PDE3B: variants seen among roughly 807,000 people sequenced by gnomAD.
The protein encoded by PDE3B is phosphodiesterase 3B, also known as cGMP-inhibited 3',5'-cyclic phosphodiesterase 3B.
PDE3B carries 66 observed loss-of-function variants against 116.8 expected under a neutral mutation model. The ratio of observed to expected loss-of-function variants is 0.56; its 90% CI spans 0.46 to 0.69. PDE3B has a LOEUF of 0.69. PDE3B is among the 30% of genes least tolerant of loss of function. The pLI, the probability that PDE3B is intolerant of heterozygous loss-of-function variation, is 0.00. For synonymous variants in PDE3B, 595 were observed against 533.6 expected, an observed-to-expected ratio of 1.12 and a Z score of -1.59; for missense variants, 1,384 against 1,368.1, an observed-to-expected ratio of 1.01 and a Z score of -0.18.
chr11:14,702,012 T>C (rs1565098262), intron 1 of PDE3B, among the ~76,000 whole-genome samples: 1 of 151,560 alleles, frequency 6.6e-6, no homozygotes, highest in Non-Finnish European at 1.5e-5. Context: ...TTTTTTCTCT[T>C]CCCTTTTTTT....
At chr11:14,808,110 A>G (rs1057290010) in intron 5 of PDE3B, among the ~76,000 whole-genome samples, 29 of 152,128 alleles carry the variant, frequency 1.9e-4, no homozygotes, top group African/African-American at 6.8e-4. Flanking sequence ...GTTGATGTCC[A>G]AATTATACTG....
chr11:14,735,338 A>G (rs1380907753), intron 1 of PDE3B, among the ~76,000 whole-genome samples: 1 of 152,208 alleles, frequency 6.6e-6, no homozygotes, highest in African/African-American at 2.4e-5. Flanking sequence ...TCTTGGAGCT[A>G]TATAATAAAT....
At chr11:14,891,976 T>A in the PDE3B span, 2 of 1,612,862 alleles carry the variant, frequency 1.2e-6, no homozygotes, top group South Asian at 1.1e-5. Context: ...CCGTCGGGGC[T>A]GTACCTCTCC....
intron 1 of PDE3B, among the ~76,000 whole-genome samples, chr11:14,686,902 A>G (rs956822644): frequency 4.0e-5 from 6 of 151,898 alleles, no homozygotes; most frequent in South Asian, 2.1e-4. Flanking sequence ...TTTATTAGAG[A>G]CGGTGTTTCA....
At chr11:14,717,821 A>G (rs1294614465) in intron 1 of PDE3B, among the ~76,000 whole-genome samples, 1 of 137,864 alleles carries the variant, frequency 7.3e-6, no homozygotes, top group Non-Finnish European at 1.6e-5. Context: ...AAATCATGCC[A>G]AAATGTAAAG....
chr11:14,786,331 T>C, intron 2 of PDE3B, 106 bp from the exon 3 acceptor site: 1 of 774,450 alleles, frequency 1.3e-6, no homozygotes. Context: ...TTCACGGTTA[T>C]TTGCTACATA....
intron 1 of PDE3B, among the ~76,000 whole-genome samples, chr11:14,647,386 T>A (rs1382822874): frequency 6.6e-6 from 1 of 152,034 alleles, no homozygotes; most frequent in African/African-American, 2.4e-5. Flanking sequence ...AATTAAGGGA[T>A]CCTAGTAGAT....
chr11:14,657,320 A>AG (rs770070679), intron 1 of PDE3B, among the ~76,000 whole-genome samples: 9 of 152,222 alleles, frequency 5.9e-5, no homozygotes, highest in Non-Finnish European at 1.0e-4. Context: ...CAGAAAGAAG[A>AG]GAAACTGTAT....
intron 4 of PDE3B, among the ~76,000 whole-genome samples, chr11:14,790,511 T>G (rs1858349301): frequency 6.6e-6 from 1 of 152,080 alleles, no homozygotes; most frequent in African/African-American, 2.4e-5. Context: ...GCAATGCATT[T>G]GCAGTTAAAG....
chr11:14,673,856 T>C (rs941883317), intron 1 of PDE3B: 1 of 1,314,902 alleles, frequency 7.6e-7, no homozygotes, highest in Non-Finnish European at 1.1e-6. Context: ...ATTTGTAGAG[T>C]AGTTGGGTGC....
the PDE3B span, among the ~76,000 whole-genome samples, chr11:14,896,538 A>C: frequency 1.3e-5 from 2 of 152,180 alleles, no homozygotes; most frequent in African/African-American, 4.8e-5. Context: ...AAGATGCCAA[A>C]CATTTTTGTT....
chr11:14,891,256 G>T, the PDE3B span: 1 of 985,156 alleles, frequency 1.0e-6, no homozygotes, highest in Non-Finnish European at 1.2e-6. Flanking sequence ...TCACCGGCTG[G>T]TTATGAGTTT....
At chr11:14,837,094 G>C (rs536867229) in intron 11 of PDE3B, among the ~76,000 whole-genome samples, 2 of 152,246 alleles carry the variant, frequency 1.3e-5, no homozygotes, top group Admixed American at 1.3e-4. Context: ...GATTACAGGC[G>C]TGAGCCACTG....
intron 14 of PDE3B, among the ~76,000 whole-genome samples, chr11:14,866,517 T>C (rs1318386521): frequency 6.6e-6 from 1 of 152,226 alleles, no homozygotes; most frequent in Non-Finnish European, 1.5e-5. Flanking sequence ...CAGAGTCCTA[T>C]AGATAAACCC....
At chr11:14,856,809 G>A (rs999802008) in intron 12 of PDE3B, among the ~76,000 whole-genome samples, 14 of 150,348 alleles carry the variant, frequency 9.3e-5, no homozygotes, top group Admixed American at 3.3e-4. Flanking sequence ...AGCTGAGATC[G>A]CGCCACTGCA....
chr11:14,643,850 T>C lies in PDE3B; in HGVS notation c.-226T>C. 1 of 544,862 alleles carries C rather than the reference T, an allele frequency of 1.8e-6. No homozygotes were observed. 33.8% of individuals were successfully genotyped at this position (544,862 alleles called of 1,614,324 possible). A position where few individuals can be genotyped will look rare whatever the true frequency, so the allele number is the denominator to read the frequency against. ...GAAAAGGAGGCGGCAGCTAAACTGGTCCTGGAGAGAAGCCCCTTCCGCCCC... is the reference window on the plus strand; with the variant it reads ...GAAAAGGAGGCGGCAGCTAAACTGGCCCTGGAGAGAAGCCCCTTCCGCCCC... On this transcript the variant is annotated 5_prime_UTR_variant, in exon 1 of 16. Transcript: ENST00000282096.
At chr11:14,847,610 AAG>A (rs1208240549) in intron 12 of PDE3B, among the ~76,000 whole-genome samples, 1 of 152,138 alleles carries the variant, frequency 6.6e-6, no homozygotes, top group South Asian at 2.1e-4. Flanking sequence ...TAATAAAGAA[AAG>A]AGAGAAGAAT....
chr11:14,835,865 T>A (rs1860036109), intron 11 of PDE3B, among the ~76,000 whole-genome samples: 1 of 152,104 alleles, frequency 6.6e-6, no homozygotes, highest in South Asian at 2.1e-4. Context: ...AAGGCTGAGG[T>A]GGGAGGATCT....
At chr11:14,725,346 T>G (rs1273290840) in intron 1 of PDE3B, among the ~76,000 whole-genome samples, 1 of 151,406 alleles carries the variant, frequency 6.6e-6, no homozygotes. Context: ...TCTTTCTTTC[T>G]TTCTTCTTTC....
Sources: gnomAD v4.1 joint callset for allele counts (sites outside exome capture counted in the v4.1 genomes callset) on GRCh38, gnomAD v4.1.1 for gene constraint, MANE v1.5 for transcripts, NCBI Gene and HGNC (gene_info 2026-07-23, HGNC 2026-07-21) for gene names.